The following COL14A1 variants were observed in gnomAD, a reference collection of about 807,000 sequenced individuals.
COL14A1 encodes the protein collagen type XIV alpha 1 chain.
COL14A1 carries 136 observed loss-of-function variants against 230.3 expected under a neutral mutation model. The observed-to-expected ratio is 0.59, with a 90% CI of 0.51 to 0.68. The LOEUF is 0.68. Among genes scored for constraint, COL14A1 ranks in the 30% least tolerant of loss-of-function variants. The pLI is 0.00. For synonymous variants in COL14A1, 792 were observed against 784.1 expected, an observed-to-expected ratio of 1.01 and a Z score of -0.17; for missense variants, 1,976 against 2,215.8, an observed-to-expected ratio of 0.89 and a Z score of 2.17.
intron 20 of COL14A1, among the ~76,000 whole-genome samples, chr8:120,244,798 C>G (rs1415627286): frequency 3.3e-5 from 5 of 152,184 alleles, no homozygotes; most frequent in Non-Finnish European, 5.9e-5. Flanking sequence ...TCTACTCATG[C>G]CATCTCCTAT....
chr8:120,225,210 C>T lies in COL14A1; in HGVS notation c.1860C>T (p.Thr620=), dbSNP rs767636562. The part of the protein sequence containing the change: ...GQSEPLTGVF[T]TEEVPAQQYL... Reference sequence around the variant, plus strand: ...CAGAGCCTCTGACTGGAGTTTTTACCACCGGTAAGCAGCCTCATTATGGTT... The same window carrying T: ...CAGAGCCTCTGACTGGAGTTTTTACTACCGGTAAGCAGCCTCATTATGGTT... Residue 620 remains threonine (T), a synonymous_variant, in exon 15 of 48, where the codon ACC becomes ACT. Transcript: ENST00000297848. 1 of 1,610,728 alleles carries T rather than the reference C, an allele frequency of 6.2e-7. No individual in the cohort carries two copies. Among genetic ancestry groups the T allele is most frequent in the Non-Finnish European group, 8.5e-7 (1 of 1,178,970 alleles).
chr8:120,269,801 C>T (rs1294571345), intron 25 of COL14A1, among the ~76,000 whole-genome samples: 1 of 151,564 alleles, frequency 6.6e-6, no homozygotes, highest in Admixed American at 6.6e-5. Context: ...TTCTCTATTT[C>T]CACACGGATA....
chr8:120,180,987 A>G (rs1193647368), intron 5 of COL14A1, among the ~76,000 whole-genome samples: 1 of 152,162 alleles, frequency 6.6e-6, no homozygotes, highest in Non-Finnish European at 1.5e-5. Context: ...GATTACAGGC[A>G]TGAGCTACTG....
At chr8:120,364,967 A>G (rs892297898) in intron 45 of COL14A1, among the ~76,000 whole-genome samples, 5 of 151,632 alleles carry the variant, frequency 3.3e-5, no homozygotes, top group Non-Finnish European at 7.4e-5. Context: ...GTCTTTAGGC[A>G]TTTTCCTTTT....
At position 120,212,489 on chromosome 8, in the gene COL14A1, G is replaced by A; in HGVS notation, c.1509G>A (p.Gly503=). 1 of 1,613,542 alleles carries A rather than the reference G, an allele frequency of 6.2e-7. No homozygotes were observed. The highest frequency in any genetic ancestry group is 8.5e-7 in the Non-Finnish European group (1 of 1,179,606). The change falls in exon 13 of 48, where the codon GGG becomes GGA. Residue 503 remains glycine (G), a synonymous_variant. Coordinates refer to ENST00000297848, the MANE Select transcript of COL14A1 (RefSeq NM_021110.4). ...GETHTDIELS[G]LLPNTEYTVT... ...CCCACACAGATATTGAATTGAGTGG[G>A]TTGTTGCCCAATACAGAATACACAG...
At chr8:120,328,756 A>G (rs1380800659) in intron 40 of COL14A1, among the ~76,000 whole-genome samples, 1 of 152,172 alleles carries the variant, frequency 6.6e-6, no homozygotes, top group African/African-American at 2.4e-5. Context: ...GAGGGGATAA[A>G]TGTGTTATTT....
intron 1 of COL14A1, among the ~76,000 whole-genome samples, chr8:120,143,753 G>C (rs1468264090): frequency 6.6e-6 from 1 of 152,052 alleles, no homozygotes; most frequent in Admixed American, 6.6e-5. Context: ...CTTGTACTCT[G>C]CTTGGTATAA....
chr8:120,176,689 C>T (rs1816293464), intron 5 of COL14A1, among the ~76,000 whole-genome samples: 2 of 152,004 alleles, frequency 1.3e-5, no homozygotes, highest in African/African-American at 2.4e-5. Flanking sequence ...GACTCCACTC[C>T]AAGATTAAAG....
At position 120,270,092 on chromosome 8, in the gene COL14A1, G is replaced by A. The variant is rs1819614567; in HGVS notation, c.3131G>A (p.Gly1044Glu). ...ATGGTGGATGGATCCTGGAGCATTGGAGATGAAAATTTCAATAAGATCATC... is the reference window on the plus strand; with the variant it reads ...ATGGTGGATGGATCCTGGAGCATTGAAGATGAAAATTTCAATAAGATCATC... ...VFMVDGSWSI[G>E]DENFNKIISF... The change falls in exon 26 of 48, where the codon GGA (glycine) becomes GAA (glutamate). Residue 1044 changes from glycine to glutamate, a missense_variant. Physicochemically the swap from Gly to Glu is moderately conservative, Grantham distance 98. Coordinates refer to ENST00000297848, the MANE Select transcript of COL14A1 (RefSeq NM_021110.4). The A allele has an allele frequency of 6.2e-7, 1 of 1,611,482 alleles. No homozygotes were observed. The highest frequency in any genetic ancestry group is 1.7e-5 in the Admixed American group (1 of 59,744).
At chr8:120,229,119 T>TTTTATTTTATTTAC (rs1818185660) in intron 18 of COL14A1, among the ~76,000 whole-genome samples, 1 of 91,530 alleles carries the variant, frequency 1.1e-5, no homozygotes, top group Admixed American at 1.3e-4. Flanking sequence ...ATTTTATTTA[T>TTTTATTTTATTTAC]TATTATTATA....
chr8:120,373,355 G>A lies in COL14A1; in HGVS notation c.*2124G>A, dbSNP rs2130422048. On this transcript the variant is annotated 3_prime_UTR_variant, in exon 48 of 48. Coordinates refer to ENST00000297848, the MANE Select transcript of COL14A1 (RefSeq NM_021110.4). ...ATTAATTTGGAATGTGTCATCACTT[G>A]GACCCAGTATATCAGATTTTTATTG... 6.6e-6 allele frequency among the ~76,000 whole-genome samples: 1 copy of A among 152,202 alleles called. No homozygotes were observed. The highest frequency in any genetic ancestry group is 2.4e-5 in the African/African-American group (1 of 41,534).
At chr8:120,248,154 A>T (rs1251025723) in intron 21 of COL14A1, among the ~76,000 whole-genome samples, 2 of 151,912 alleles carry the variant, frequency 1.3e-5, no homozygotes, top group African/African-American at 4.8e-5. Flanking sequence ...TAGTTGGAAA[A>T]TTTTCATTTA....
At position 120,263,049 on chromosome 8, in the gene COL14A1, CCATGAACAAACAGAATTT is replaced by C. The variant is rs777675570; in HGVS notation, c.3016+38_3016+55del. On this transcript the variant is annotated intron_variant, in intron 24 of 47. Transcript: ENST00000297848. Reference sequence around the variant, plus strand: ...GTGTGTTCTCTCCTGATCCCTCTCCCCATGAACAAACAGAATTTCAGGCATCCTGTTTCCTTATCCCAT... The same window carrying C: ...GTGTGTTCTCTCCTGATCCCTCTCCCCAGGCATCCTGTTTCCTTATCCCAT... The C allele has an allele frequency of 7.8e-6, 12 of 1,529,778 alleles. No individual in the cohort carries two copies. The South Asian group carries it at 1.6e-4, about 20-fold the overall frequency. 94.8% of individuals were successfully genotyped at this position (1,529,778 alleles called of 1,614,324 possible).
chr8:120,248,385 G>A (rs894196251), intron 21 of COL14A1, among the ~76,000 whole-genome samples: 1 of 152,064 alleles, frequency 6.6e-6, no homozygotes, highest in Non-Finnish European at 1.5e-5. Flanking sequence ...GAGACCGTAT[G>A]CCCCAGCACC....
At chr8:120,309,700 T>A (rs1164930076) in intron 36 of COL14A1, among the ~76,000 whole-genome samples, 2 of 152,220 alleles carry the variant, frequency 1.3e-5, no homozygotes, top group Non-Finnish European at 2.9e-5. Flanking sequence ...TAATTTTGAT[T>A]AACATTGTAT....
Position 120,278,446 on chromosome 8 carries a change from A to G in COL14A1, c.3349A>G (p.Lys1117Glu). The G allele has an allele frequency of 6.2e-7, 1 of 1,610,346 alleles. No homozygotes were observed. The highest frequency in any genetic ancestry group is 8.5e-7 in the Non-Finnish European group (1 of 1,178,688). The change falls in exon 28 of 48, where the codon AAG (lysine) becomes GAG (glutamate). Residue 1117 changes from lysine to glutamate, a missense_variant. Physicochemically the swap from Lys to Glu is moderately conservative, Grantham distance 56. Transcript: ENST00000297848. ...GGNTKTGKAI[K>E]YVRDTLFTAE... ...TTTCTTTGTTTCAGGAAAAGCAATT[A>G]AGTATGTTCGAGATACCTTGTTCAC...
chr8:120,327,059 C>G (rs559803257), intron 40 of COL14A1, among the ~76,000 whole-genome samples: 1 of 152,182 alleles, frequency 6.6e-6, no homozygotes, highest in Non-Finnish European at 1.5e-5. Flanking sequence ...AAAAACCCAC[C>G]TTTGTTCTTG....
Position 120,133,402 on chromosome 8 carries a change from A to G in COL14A1, c.-38+8062A>G, listed in dbSNP as rs149121724. ...AATATTGATGTACTTATTGATATGA[A>G]TAGCATATTAGTAAATAGAACCCAA... On this transcript the variant is annotated intron_variant, in intron 1 of 47. Transcript: ENST00000297848. Among the ~76,000 whole-genome samples the G allele has an allele frequency of 1.1e-3, 173 of 152,240 alleles. 3 individuals carry two copies. In the East Asian group the frequency reaches 0.032, roughly 29 times the overall value.
At chr8:120,284,981 T>C (rs1820149550) in intron 32 of COL14A1, among the ~76,000 whole-genome samples, 1 of 152,178 alleles carries the variant, frequency 6.6e-6, no homozygotes, top group South Asian at 2.1e-4. Flanking sequence ...AAATTTCAGC[T>C]GGAGTGAGAA....
Sources: allele counts gnomAD v4.1 joint callset (sites outside exome capture counted in the v4.1 genomes callset), GRCh38; gene constraint gnomAD v4.1.1; transcripts MANE v1.5; gene names NCBI Gene and HGNC (gene_info 2026-07-23, HGNC 2026-07-21).